The following TIGAR variants were observed in gnomAD, a reference collection of about 807,000 sequenced individuals.
TIGAR encodes fructose-2,6-bisphosphatase TIGAR.
TIGAR carries 7 observed loss-of-function variants against 17.9 expected under a neutral mutation model. The observed-to-expected ratio is 0.39, with a 90% confidence interval of 0.22 to 0.73. TIGAR has a LOEUF of 0.73. TIGAR is among the 30% of genes least tolerant of loss of function. The pLI is 0.42. For synonymous variants in TIGAR, 94 were observed against 108.6 expected (o/e 0.87, Z 0.84); for missense variants, 258 against 327.4 (o/e 0.79, Z 1.64).
chr12:4,349,617 C>A (rs1396260878), intron 3 of TIGAR, among the ~76,000 whole-genome samples: 1 of 152,104 alleles, frequency 6.6e-6, no homozygotes, highest in Admixed American at 6.5e-5. Context: ...TAGGGTTTCA[C>A]CATGTTGGCC....
At chr12:4,324,566 C>G in intron 1 of TIGAR, 1 of 1,605,036 alleles carries the variant, frequency 6.2e-7, no homozygotes, top group Admixed American at 1.7e-5. Context: ...ATGATCATGT[C>G]CCGCAGGTGC....
chr12:4,354,642 T>C lies in TIGAR; in HGVS notation c.*1951T>C, dbSNP rs1306066128. 1.3e-5 allele frequency: 2 copies of C among 152,074 alleles called. No homozygotes were observed. Among genetic ancestry groups the C allele is most frequent in the South Asian group, 2.1e-4 (1 of 4,832 alleles). 9.4% of individuals were successfully genotyped at this position (152,074 alleles called of 1,614,324 possible). On this transcript the variant is annotated 3_prime_UTR_variant, in exon 6 of 6. Coordinates refer to ENST00000179259, the MANE Select transcript of TIGAR (RefSeq NM_020375.3). ...TGTTGATATATATAGATCTAGTTAA[T>C]TATAACCACTCTATTCTATTAAATA...
Position 4,352,650 on chromosome 12 carries a change from A to C in TIGAR, c.772A>C (p.Asn258His). ...ACCAACGGTTCAGTGTATTTGTATG[A>C]ACCTACAGGATCATCTAAATGGACT... is the stretch of plus-strand genomic sequence containing the variant. Reference protein sequence around the residue: ...VKPTVQCICMNLQDHLNGLTE... With the variant: ...VKPTVQCICMHLQDHLNGLTE... Residue 258 changes from asparagine to histidine, a missense_variant, in exon 6 of 6, where the codon AAC (asparagine) becomes CAC (histidine). By Grantham distance (68) the Asn-to-His change is moderately conservative (BLOSUM62 1). Transcript: ENST00000179259. 10 of 1,604,416 alleles carry C rather than the reference A, an allele frequency of 6.2e-6. No homozygotes were observed. Among genetic ancestry groups the C allele is most frequent in the Non-Finnish European group, 8.5e-6 (10 of 1,179,968 alleles).
intron 3 of TIGAR, among the ~76,000 whole-genome samples, chr12:4,346,149 CT>C (rs1864777603): frequency 6.6e-6 from 1 of 152,356 alleles, no homozygotes; most frequent in African/African-American, 2.4e-5. Flanking sequence ...CACTTTTACA[CT>C]GTTGGTGGGA....
intron 3 of TIGAR, among the ~76,000 whole-genome samples, chr12:4,345,865 C>T (rs1338302742): frequency 6.6e-6 from 1 of 152,168 alleles, no homozygotes; most frequent in African/African-American, 2.4e-5. Flanking sequence ...ACTCATCTGA[C>T]AAAGGGCTTA....
chr12:4,333,294 C>CT (rs34834660), intron 2 of TIGAR, among the ~76,000 whole-genome samples: 60,979 of 142,932 alleles, frequency 0.43, 13,400 homozygotes, highest in South Asian at 0.48. Flanking sequence ...TATAAGTTGT[C>CT]TTTTTTTTTT....
At chr12:4,324,905 G>T in intron 1 of TIGAR, 13 of 342,556 alleles carry the variant, frequency 3.8e-5, no homozygotes, top group South Asian at 6.4e-5. Context: ...TACTTTTAAT[G>T]ATTTAAAAAT....
At chr12:4,329,977 T>C (rs1261827876) in intron 1 of TIGAR, among the ~76,000 whole-genome samples, 1 of 152,114 alleles carries the variant, frequency 6.6e-6, no homozygotes, top group Non-Finnish European at 1.5e-5. Context: ...TGGGGAATGG[T>C]ACTGGGGAGG....
At chr12:4,329,484 G>A (rs1163273584) in intron 1 of TIGAR, among the ~76,000 whole-genome samples, 1 of 151,622 alleles carries the variant, frequency 6.6e-6, no homozygotes, top group Admixed American at 6.6e-5. Flanking sequence ...GATTACAGAC[G>A]CCCGCCACCA....
At chr12:4,341,047 A>T (rs1381585065) in intron 3 of TIGAR, among the ~76,000 whole-genome samples, 1 of 152,238 alleles carries the variant, frequency 6.6e-6, no homozygotes, top group Non-Finnish European at 1.5e-5. Context: ...ATGGGATCAC[A>T]TCAAGTTTAA....
chr12:4,341,829 C>T (rs917201244), intron 3 of TIGAR, among the ~76,000 whole-genome samples: 15 of 152,176 alleles, frequency 9.9e-5, no homozygotes, highest in African/African-American at 3.1e-4. Context: ...AAAATCAGAG[C>T]GCCTCTCCTC....
At chr12:4,329,382 A>G (rs1380525913) in intron 1 of TIGAR, among the ~76,000 whole-genome samples, 3 of 119,048 alleles carry the variant, frequency 2.5e-5, no homozygotes, top group African/African-American at 1.0e-4. Flanking sequence ...TCTCTCACCC[A>G]TACTGGAGTG....
rs1313550107 is a variant in TIGAR at position 4,321,434 on chromosome 12, C to G, written c.32+131C>G. On this transcript the variant is annotated intron_variant, in intron 1 of 5. Coordinates refer to ENST00000179259, the MANE Select transcript of TIGAR (RefSeq NM_020375.3). The surrounding 1 kb of genome is among the most constrained non-coding windows in gnomAD (Gnocchi z 5.2). ...CAGCCCGGGAGGGCTGGCTTGGAAG[C>G]GCTTTTTCCGGGGCGCTTGCCCTGG... is the stretch of plus-strand genomic sequence containing the variant. 2 of 1,371,586 alleles carry G rather than the reference C, an allele frequency of 1.5e-6. No individual in the cohort carries two copies. Among genetic ancestry groups the G allele is most frequent in the South Asian group, 2.5e-5 (2 of 78,600 alleles). 85.0% of individuals were successfully genotyped at this position (1,371,586 alleles called of 1,614,324 possible).
chr12:4,339,921 C>T (rs1039166216), intron 3 of TIGAR, among the ~76,000 whole-genome samples: 3 of 152,124 alleles, frequency 2.0e-5, no homozygotes, highest in Non-Finnish European at 4.4e-5. Flanking sequence ...AAAGCCTCAA[C>T]ACAATAAAAG....
At chr12:4,350,791 G>GA (rs998889883) in intron 4 of TIGAR, among the ~76,000 whole-genome samples, 55 of 146,974 alleles carry the variant, frequency 3.7e-4, no homozygotes, top group African/African-American at 1.3e-3. Context: ...AAAAAAAAAA[G>GA]AAAAAAAAAG....
At chr12:4,336,475 C>G (rs201463606) in intron 2 of TIGAR, among the ~76,000 whole-genome samples, 4,059 of 151,130 alleles carry the variant, frequency 0.027, 202 homozygotes, top group East Asian at 0.19. Flanking sequence ...CACACACACA[C>G]ACACACACAC....
At chr12:4,338,581 A>G (rs1330562056) in intron 3 of TIGAR, among the ~76,000 whole-genome samples, 2 of 152,250 alleles carry the variant, frequency 1.3e-5, no homozygotes, top group African/African-American at 2.4e-5. Context: ...ACATTTCTTG[A>G]AACAAATGAT....
At chr12:4,326,736 C>T (rs1864550587) in intron 1 of TIGAR, among the ~76,000 whole-genome samples, 1 of 152,056 alleles carries the variant, frequency 6.6e-6, no homozygotes, top group African/African-American at 2.4e-5. Context: ...CAGTGTAAAC[C>T]TTTATTTTAA....
chr12:4,349,800 C>T lies in TIGAR; in HGVS notation c.193-19C>T. 7 of 1,548,188 alleles carry T rather than the reference C, an allele frequency of 4.5e-6. No homozygotes were observed. Among genetic ancestry groups the T allele is most frequent in the Non-Finnish European group, 6.1e-6 (7 of 1,140,152 alleles). On this transcript the variant is annotated intron_variant, in intron 3 of 5. Transcript: ENST00000179259. ...GTGATTATTTTTATAAAGAAAGAAA[C>T]AATTGTCTTGATTTTCAGACCATGC... is the stretch of plus-strand genomic sequence containing the variant.
Sources: gnomAD v4.1 joint callset for allele counts (sites outside exome capture counted in the v4.1 genomes callset) on GRCh38, gnomAD v4.1.1 for gene constraint, Gnocchi (gnomAD v3.1) non-coding constraint, MANE v1.5 for transcripts, NCBI Gene and HGNC (gene_info 2026-07-23, HGNC 2026-07-21) for gene names.